Variants in SLC44A1 observed in about 807,000 individuals in gnomAD.
SLC44A1 encodes the protein choline transporter-like protein 1.
SLC44A1 carries 26 observed loss-of-function variants against 79.3 expected under a neutral mutation model. The ratio of observed to expected loss-of-function variants is 0.33; its 90% CI spans 0.24 to 0.46. SLC44A1 has a LOEUF of 0.46. Ranked by LOEUF, SLC44A1 falls within the 20% of genes least tolerant of loss-of-function variation. The pLI is 1.00. For synonymous variants in SLC44A1, 263 were observed against 286.2 expected, an observed-to-expected ratio of 0.92 and a Z score of 0.82; for missense variants, 688 against 798.1, an observed-to-expected ratio of 0.86 and a Z score of 1.66.
intron 1 of SLC44A1, among the ~76,000 whole-genome samples, chr9:105,265,445 C>T (rs1829939427): frequency 6.6e-6 from 1 of 152,196 alleles, no homozygotes. Context: ...ATTTGAGATG[C>T]ATCCATGCTA....
intron 15 of SLC44A1, among the ~76,000 whole-genome samples, chr9:105,437,679 G>C (rs1829481719): frequency 6.6e-6 from 1 of 152,020 alleles, no homozygotes; most frequent in African/African-American, 2.4e-5. Flanking sequence ...ACTATTTCTT[G>C]AATTGAACCA....
At chr9:105,280,435 G>GT (rs1455646103) in intron 1 of SLC44A1, among the ~76,000 whole-genome samples, 1 of 152,194 alleles carries the variant, frequency 6.6e-6, no homozygotes, top group Non-Finnish European at 1.5e-5. Flanking sequence ...AAAGATGTTA[G>GT]TTGCTATTTT....
rs556243355 is a variant in SLC44A1, at chr9:105,323,277, C to A, written c.270-12286C>A. On this transcript the variant is annotated intron_variant, in intron 3 of 15. Coordinates refer to ENST00000374720, the MANE Select transcript of SLC44A1 (RefSeq NM_080546.5). Reference sequence around the variant, plus strand: ...TACCAAGGTAGGCATGTTTGATTATCAAAAATTTGATTCTCTGATATAAAA... The same window carrying A: ...TACCAAGGTAGGCATGTTTGATTATAAAAAATTTGATTCTCTGATATAAAA... Among the ~76,000 whole-genome samples, 36 of 147,786 alleles carry A rather than the reference C, an allele frequency of 2.4e-4. 1 individual carries two copies. The highest frequency in any genetic ancestry group is 8.1e-4 in the African/African-American group (33 of 40,498).
intron 4 of SLC44A1, among the ~76,000 whole-genome samples, chr9:105,341,465 A>G (rs1417991444): frequency 6.6e-6 from 1 of 152,190 alleles, no homozygotes; most frequent in African/African-American, 2.4e-5. Context: ...TAACACAAAT[A>G]TTATAAATAC....
At chr9:105,353,389 C>T (rs937905521) in intron 5 of SLC44A1, among the ~76,000 whole-genome samples, 1 of 152,064 alleles carries the variant, frequency 6.6e-6, no homozygotes, top group East Asian at 1.9e-4. Flanking sequence ...GAGTTCTGGT[C>T]ATTCTCTTTT....
intron 15 of SLC44A1, among the ~76,000 whole-genome samples, chr9:105,433,474 C>T (rs954347518): frequency 1.2e-4 from 18 of 152,142 alleles, no homozygotes. Context: ...CAGGCAACTG[C>T]CTTTTTTCAT....
At chr9:105,326,970 A>G (rs1030467421) in intron 3 of SLC44A1, among the ~76,000 whole-genome samples, 2 of 152,192 alleles carry the variant, frequency 1.3e-5, no homozygotes, top group Non-Finnish European at 2.9e-5. Context: ...TGAGTCCCCT[A>G]TCTTACAGAA....
In SLC44A1 at chr9:105,303,589, T is replaced by C. The variant is rs147276544; in HGVS notation, c.126+4280T>C. ...CACCTGCTCAAGGACGTATACATTGTTGTTATCACATTCCCATTTTACAGA... is the reference window on the plus strand; with the variant it reads ...CACCTGCTCAAGGACGTATACATTGCTGTTATCACATTCCCATTTTACAGA... On this transcript the variant is annotated intron_variant, in intron 2 of 15. Transcript: ENST00000374720. 1.8e-3 allele frequency among the ~76,000 whole-genome samples: 267 copies of C among 152,338 alleles called. 2 individuals are homozygous for C. Among genetic ancestry groups the C allele is most frequent in the African/African-American group, 6.2e-3 (259 of 41,568 alleles).
intron 12 of SLC44A1, 104 bp downstream of exon 12, chr9:105,366,533 G>T (rs1015484747): frequency 3.8e-6 from 2 of 521,126 alleles, no homozygotes; most frequent in Non-Finnish European, 6.4e-6. Context: ...TTTTCTTGTG[G>T]TATTGTACAT....
chr9:105,343,235 CT>C (rs1387380083), intron 4 of SLC44A1, among the ~76,000 whole-genome samples: 2 of 150,226 alleles, frequency 1.3e-5, no homozygotes, highest in African/African-American at 5.0e-5. Context: ...ATGAGTGCTT[CT>C]TCAATGTACT....
Position 105,385,932 on chromosome 9 carries a change from C to G in SLC44A1, c.1950+430C>G, listed in dbSNP as rs533772745. On this transcript the variant is annotated intron_variant, in intron 15 of 15. Transcript: ENST00000374720. ...TTTCAACTTGCTAAAATTCATACTC[C>G]CCCTTTTAAAAGTATGGTTCTGCTT... 8.1e-6 allele frequency: 8 copies of G among 985,230 alleles called. No individual in the cohort carries two copies. In the African/African-American group the frequency reaches 1.4e-4, roughly 17 times the overall value. The allele number at this position is 985,230 out of a possible 1,614,324, so 61.0% of individuals were successfully genotyped here.
intron 3 of SLC44A1, among the ~76,000 whole-genome samples, chr9:105,323,804 A>G (rs1013341056): frequency 1.3e-5 from 2 of 152,192 alleles, no homozygotes; most frequent in African/African-American, 4.8e-5. Context: ...CGTTTTTCAT[A>G]GACACAGCTT....
chr9:105,429,139 C>G (rs7036215), intron 15 of SLC44A1, among the ~76,000 whole-genome samples: 12,813 of 152,276 alleles, frequency 0.084, 1,759 homozygotes, highest in African/African-American at 0.29. Flanking sequence ...GTGGCTGTTT[C>G]CTTGTCTCAC....
intron 1 of SLC44A1, among the ~76,000 whole-genome samples, chr9:105,296,624 A>G (rs1830728976): frequency 6.6e-6 from 1 of 152,208 alleles, no homozygotes; most frequent in South Asian, 2.1e-4. Context: ...TTTATAAACT[A>G]CCATAGAGTA....
chr9:105,264,217 G>A (rs1414406563), intron 1 of SLC44A1, among the ~76,000 whole-genome samples: 2 of 152,148 alleles, frequency 1.3e-5, no homozygotes, highest in Non-Finnish European at 2.9e-5. Context: ...AGGCTGGAGT[G>A]CAGTGGTGTG....
chr9:105,367,514 G>A (rs1291715567), intron 12 of SLC44A1, among the ~76,000 whole-genome samples: 3 of 152,108 alleles, frequency 2.0e-5, no homozygotes, highest in African/African-American at 7.2e-5. Context: ...ATTGGTTTGA[G>A]GCCAAGTCAT....
Position 105,392,106 on chromosome 9 carries a change from A to ACCAGTGC in SLC44A1, c.*3050_*3051insCCAGTGC. 1.0e-6 allele frequency: 1 copy of ACCAGTGC among 985,434 alleles called. No individual in the cohort carries two copies. The highest frequency in any genetic ancestry group is 4.7e-5 in the South Asian group (1 of 21,290). The allele number at this position is 985,434 out of a possible 1,614,324, so 61.0% of individuals were successfully genotyped here. ...AGAGGCTTACCAGTGCATTAGTAAT[A>ACCAGTGC]AAACATTAGCAATTTAGCTAGAGCA... On this transcript the variant is annotated 3_prime_UTR_variant, in exon 16 of 16. Coordinates refer to ENST00000374720, the MANE Select transcript of SLC44A1 (RefSeq NM_080546.5).
At chr9:105,257,138 C>A (rs1227783720) in intron 1 of SLC44A1, among the ~76,000 whole-genome samples, 2 of 151,264 alleles carry the variant, frequency 1.3e-5, no homozygotes, top group African/African-American at 4.9e-5. Flanking sequence ...CTCTTGTTGC[C>A]CATACTGGAG....
chr9:105,310,375 A>G (rs1054356638), intron 3 of SLC44A1, among the ~76,000 whole-genome samples: 1 of 152,120 alleles, frequency 6.6e-6, no homozygotes, highest in African/African-American at 2.4e-5. Flanking sequence ...CTCAATATTC[A>G]TCTTTTAGAT....
Sources: gnomAD v4.1 joint callset for allele counts (sites outside exome capture counted in the v4.1 genomes callset) on GRCh38, gnomAD v4.1.1 for gene constraint, MANE v1.5 for transcripts, NCBI Gene and HGNC (gene_info 2026-07-23, HGNC 2026-07-21) for gene names.